GRIK4: variants seen among roughly 807,000 people sequenced by gnomAD.
The protein encoded by GRIK4 is glutamate ionotropic receptor kainate type subunit 4.
A neutral mutation model predicts 104.9 loss-of-function variants in GRIK4; 40 were observed. That is an observed-to-expected ratio of 0.38 (90% CI 0.30 to 0.50). The LOEUF is 0.50. Among genes scored for constraint, GRIK4 ranks in the 20% least tolerant of loss-of-function variants. The pLI is 0.93. For missense variants in GRIK4, 1,047 were observed against 1,308.1 expected, an observed-to-expected ratio of 0.80 and a Z score of 3.08; for synonymous variants, 485 against 524.9, an observed-to-expected ratio of 0.92 and a Z score of 1.04.
At chr11:120,610,476 G>A (rs1306240104) in intron 1 of GRIK4, among the ~76,000 whole-genome samples, 4 of 152,136 alleles carry the variant, frequency 2.6e-5, no homozygotes, top group East Asian at 1.9e-4. Flanking sequence ...GAGGGTGGCC[G>A]CAGGGATGGT....
chr11:120,622,475 A>G (rs991645806), intron 1 of GRIK4, among the ~76,000 whole-genome samples: 1 of 152,256 alleles, frequency 6.6e-6, no homozygotes, highest in Non-Finnish European at 1.5e-5. Flanking sequence ...ACTCACAGCA[A>G]GAAATACTTT....
At chr11:120,753,162 A>C (rs534382273) in intron 3 of GRIK4, among the ~76,000 whole-genome samples, 2 of 152,376 alleles carry the variant, frequency 1.3e-5, no homozygotes, top group African/African-American at 4.8e-5. Context: ...AGTTTTGCCC[A>C]ACTTTATTCA....
intron 1 of GRIK4, among the ~76,000 whole-genome samples, chr11:120,600,464 G>A (rs545525090): frequency 2.6e-5 from 4 of 152,310 alleles, no homozygotes; most frequent in Admixed American, 1.3e-4. Context: ...GGGAAATGGG[G>A]TTCCTGCTCT....
In GRIK4 at chr11:120,936,170, A is replaced by G. The variant is rs1943594516; in HGVS notation, c.1477-4177A>G. On this transcript the variant is annotated intron_variant, in intron 13 of 20. Transcript: ENST00000527524. ...TTTCTGCTGCATCGGACTTTCTTTT[A>G]GCTCAGTTTGCAGCAATATCCTTTG... The G allele has an allele frequency of 2.4e-5, 5 of 209,852 alleles. No individual in the cohort carries two copies. In the South Asian group the frequency reaches 3.2e-4, roughly 14 times the overall value. 13.0% of individuals were successfully genotyped at this position (209,852 alleles called of 1,614,324 possible).
intron 8 of GRIK4, among the ~76,000 whole-genome samples, chr11:120,857,613 T>C (rs957439544): frequency 6.6e-6 from 1 of 152,046 alleles, no homozygotes; most frequent in African/African-American, 2.4e-5. Flanking sequence ...AATAATGCAA[T>C]TCACAGAGGA....
chr11:120,791,916 T>C (rs1192816204), intron 3 of GRIK4, among the ~76,000 whole-genome samples: 6 of 152,016 alleles, frequency 3.9e-5, no homozygotes, highest in Non-Finnish European at 7.4e-5. Context: ...AAGGAAGGAA[T>C]AGAAGTTGGC....
chr11:120,832,076 C>A, intron 7 of GRIK4, 46 bp downstream of exon 7: 2 of 1,377,062 alleles, frequency 1.5e-6, no homozygotes, highest in South Asian at 1.3e-5. Context: ...GCTCCACCCT[C>A]CCCCCTCCTT....
At chr11:120,938,322 T>C (rs1483500616) in intron 13 of GRIK4, among the ~76,000 whole-genome samples, 1 of 152,234 alleles carries the variant, frequency 6.6e-6, no homozygotes, top group African/African-American at 2.4e-5. Flanking sequence ...CTAGCAGTCA[T>C]CAGCACTGTC....
At chr11:120,620,868 T>C (rs2135164125) in intron 1 of GRIK4, among the ~76,000 whole-genome samples, 1 of 152,312 alleles carries the variant, frequency 6.6e-6, no homozygotes, top group African/African-American at 2.4e-5. Flanking sequence ...CAATACGATC[T>C]CATTCAATCC....
intron 1 of GRIK4, among the ~76,000 whole-genome samples, chr11:120,527,824 G>T (rs907533051): frequency 3.3e-5 from 5 of 152,204 alleles, no homozygotes; most frequent in African/African-American, 9.6e-5. Context: ...TCCCACTCAC[G>T]GGTGGAGGAA....
intron 1 of GRIK4, among the ~76,000 whole-genome samples, chr11:120,574,785 G>T (rs959706024): frequency 1.3e-5 from 2 of 152,140 alleles, no homozygotes; most frequent in Non-Finnish European, 1.5e-5. Context: ...GTGGGGAGGG[G>T]AGGCGCTTTC....
At position 120,699,533 on chromosome 11, in the gene GRIK4, GTGTGTA is replaced by G. The variant is rs1431020100; in HGVS notation, c.82+39139_82+39144del. Among the ~76,000 whole-genome samples the G allele has an allele frequency of 1.5e-3, 143 of 94,398 alleles. 2 individuals carry two copies. The South Asian group carries it at 0.051, about 34-fold the overall frequency. 61.9% of individuals were successfully genotyped at this position (94,398 alleles called of 152,430 possible). ...GAGGAATATAAACAGTAAGTCAGGT[GTGTGTA>G]TGTGTGTGTGTGTGTGTGTGTGTGT... is the stretch of plus-strand genomic sequence containing the variant. On this transcript the variant is annotated intron_variant, in intron 3 of 20. Transcript: ENST00000527524.
intron 1 of GRIK4, among the ~76,000 whole-genome samples, chr11:120,650,537 T>A (rs966207350): frequency 2.0e-5 from 3 of 152,186 alleles, no homozygotes; most frequent in African/African-American, 7.2e-5. Context: ...AAACATTTCA[T>A]CCTTAGGGAG....
chr11:120,728,259 T>C (rs1332898198), intron 3 of GRIK4, among the ~76,000 whole-genome samples: 1 of 152,144 alleles, frequency 6.6e-6, no homozygotes, highest in Non-Finnish European at 1.5e-5. Context: ...GAAAATGGAA[T>C]AACATATTAA....
At chr11:120,812,966 C>A (rs1177176851) in intron 4 of GRIK4, among the ~76,000 whole-genome samples, 1 of 152,144 alleles carries the variant, frequency 6.6e-6, no homozygotes, top group Non-Finnish European at 1.5e-5. Context: ...GGAGGAGAAT[C>A]CAGATTGCAC....
chr11:120,741,275 CTTTTTTTTTT>C (rs762543001), intron 3 of GRIK4, among the ~76,000 whole-genome samples: 2 of 106,920 alleles, frequency 1.9e-5, no homozygotes, highest in East Asian at 5.1e-4. Flanking sequence ...CGTGTGCTTT[CTTTTTTTTTT>C]TTTTTTTTTT....
At chr11:120,864,041 G>A (rs768870484) in intron 9 of GRIK4, among the ~76,000 whole-genome samples, 9 of 152,094 alleles carry the variant, frequency 5.9e-5, no homozygotes, top group Non-Finnish European at 1.0e-4. Flanking sequence ...GGGAAGGGCA[G>A]CTGAAGGAAG....
intron 8 of GRIK4, 52 bp downstream of exon 8, chr11:120,836,896 A>G: frequency 8.6e-7 from 1 of 1,157,618 alleles, no homozygotes; most frequent in Non-Finnish European, 1.3e-6. Context: ...GTCAGTGGTC[A>G]GGATTGATGG....
intron 3 of GRIK4, among the ~76,000 whole-genome samples, chr11:120,697,847 G>A (rs942074888): frequency 6.6e-6 from 1 of 152,174 alleles, no homozygotes; most frequent in African/African-American, 2.4e-5. Context: ...TGGCAGTGGT[G>A]AAGGGAAGCT....
Sources: allele counts gnomAD v4.1 joint callset (sites outside exome capture counted in the v4.1 genomes callset), GRCh38; gene constraint gnomAD v4.1.1; transcripts MANE v1.5; gene names NCBI Gene and HGNC (gene_info 2026-07-23, HGNC 2026-07-21).